Variants in MROH1 observed in about 807,000 individuals in gnomAD.
MROH1 encodes maestro heat like repeat family member 1, also known as maestro heat-like repeat-containing protein family member 1.
MROH1 carries 117 observed loss-of-function variants against 116.5 expected under a neutral mutation model. The ratio of observed to expected loss-of-function variants is 1.00; its 90% CI spans 0.86 to 1.17. The LOEUF is 1.17. MROH1 is among the 50% of genes most tolerant of loss of function. The pLI is 0.00. For missense variants in MROH1, 1,873 were observed against 1,338.5 expected, an observed-to-expected ratio of 1.40 and a Z score of -6.23; for synonymous variants, 921 against 583.9, an observed-to-expected ratio of 1.58 and a Z score of -8.32.
At chr8:144,242,570 C>T (rs1391330320) in intron 23 of MROH1, 32 bp from the exon 24 acceptor site, 18 of 780,140 alleles carry the variant, frequency 2.3e-5, no homozygotes, top group Non-Finnish European at 4.1e-5. Flanking sequence ...CGGGGAGTCA[C>T]GTCTTAACTC....
intron 7 of MROH1, among the ~76,000 whole-genome samples, chr8:144,189,830 G>A (rs1235193315): frequency 6.6e-6 from 1 of 152,238 alleles, no homozygotes; most frequent in African/African-American, 2.4e-5. Flanking sequence ...TGCTCCTCTT[G>A]TCTCTGTGGC....
chr8:144,239,670 C>T lies in MROH1; in HGVS notation c.1689C>T (p.Leu563=). The change falls in exon 18 of 44, where the codon CTC becomes CTT. Residue 563 remains leucine, a synonymous_variant. Coordinates refer to ENST00000326134, the MANE Select transcript of MROH1 (RefSeq NM_032450.3). ...GACGTGGGGCAGCGGCGCTGCGCCT[C>T]CTCAGTGTTCTGCACCCAAACATTC... is the stretch of plus-strand genomic sequence containing the variant. ...GDGRGAAALR[L]LSVLHPNIHP... 1.3e-6 allele frequency: 1 copy of T among 758,630 alleles called. No homozygotes were observed. The highest frequency in any genetic ancestry group is 2.5e-6 in the Non-Finnish European group (1 of 407,714). 47.0% of individuals were successfully genotyped at this position (758,630 alleles called of 1,614,324 possible). A position where few individuals can be genotyped will look rare whatever the true frequency, so the allele number is the denominator to read the frequency against.
intron 10 of MROH1, chr8:144,192,806 G>A (rs1246010781): frequency 5.6e-6 from 2 of 359,500 alleles, no homozygotes; most frequent in Admixed American, 4.0e-5. Flanking sequence ...CCCTGCTGGA[G>A]AGGAAGTGAT....
rs200574726 is a variant in MROH1 at position 144,179,582 on chromosome 8, C to T, written c.296C>T (p.Thr99Met). 6.2e-5 allele frequency: 100 copies of T among 1,608,066 alleles called. No homozygotes were observed. The Middle Eastern group carries it at 1.2e-3, about 19-fold the overall frequency. Residue 99 changes from threonine to methionine, a missense_variant, in exon 5 of 44, where the codon ACG becomes ATG. By Grantham distance (81) the Thr-to-Met change is moderately conservative (BLOSUM62 -1). Coordinates refer to ENST00000326134, the MANE Select transcript of MROH1 (RefSeq NM_032450.3). ...ILLASSEMTKTKDLVWDWQQA... is the reference protein window; with the variant it reads ...ILLASSEMTKMKDLVWDWQQA... ...CTGGCCTCCAGCGAGATGACCAAGA[C>T]GAAGGTATTCAGCAGGCCCTCTGGC...
At chr8:144,205,984 TA>T (rs922520673) in intron 12 of MROH1, among the ~76,000 whole-genome samples, 4 of 152,214 alleles carry the variant, frequency 2.6e-5, no homozygotes, top group African/African-American at 9.6e-5. Flanking sequence ...AACATTTTTC[TA>T]AAACCCAAAA....
chr8:144,220,478 C>T (rs1412821723), intron 12 of MROH1, 122 bp from the exon 13 acceptor site: 2 of 737,776 alleles, frequency 2.7e-6, no homozygotes, highest in Admixed American at 5.6e-5. Context: ...GGTATGCTTT[C>T]CTTATGCTCC....
chr8:144,180,501 G>T lies in MROH1; in HGVS notation c.540G>T (p.Thr180=), dbSNP rs563760524. Residue 180 remains threonine (T), a synonymous_variant, in exon 7 of 44, where the codon ACG becomes ACT. Transcript: ENST00000326134. The surrounding 1 kb of genome is among the most constrained non-coding windows in gnomAD (Gnocchi z 7.4). ...LPVLGVAKQD[T]VRVAFCSALQ... ...TGCTGGGCGTGGCCAAGCAGGACAC[G>T]GTGCGCGTGGCCTTCTGCTCCGGTA... 1.2e-6 allele frequency: 2 copies of T among 1,611,114 alleles called. No homozygotes were observed. Among genetic ancestry groups the T allele is most frequent in the Admixed American group, 1.7e-5 (1 of 60,006 alleles).
chr8:144,256,626 G>A (rs1026157848), intron 35 of MROH1, among the ~76,000 whole-genome samples: 79 of 152,306 alleles, frequency 5.2e-4, no homozygotes, highest in South Asian at 1.2e-3. Flanking sequence ...CCTCCGCCCC[G>A]AGCTGTAGGG....
At chr8:144,220,522 A>T in intron 12 of MROH1, 78 bp from the exon 13 acceptor site, 4 of 1,330,716 alleles carry the variant, frequency 3.0e-6, no homozygotes, top group Non-Finnish European at 4.2e-6. Flanking sequence ...CGGGGAAGCC[A>T]GGCCCCTGGT....
At position 144,259,978 on chromosome 8, in the gene MROH1, G is replaced by A. The variant is rs898597007; in HGVS notation, c.4112G>A (p.Arg1371His). The A allele has an allele frequency of 6.8e-5, 50 of 739,516 alleles. No homozygotes were observed. The highest frequency in any genetic ancestry group is 4.8e-4 in the African/African-American group (28 of 58,230). The allele number at this position is 739,516 out of a possible 1,614,324, so 45.8% of individuals were successfully genotyped here. A position where few individuals can be genotyped will look rare whatever the true frequency, so the allele number is the denominator to read the frequency against. ...LDSLLESLAA[R>H]QKDTCASVRR... ...TCGCTGCTGGAGAGCCTGGCGGCTC[G>A]CCAGAAGGACACATGCGCCAGCGTG... Residue 1371 changes from arginine (R) to histidine (H), a missense_variant, in exon 38 of 44, where the codon CGC (arginine) becomes CAC (histidine). By Grantham distance (29) the Arg-to-His change is conservative. Transcript: ENST00000326134.
chr8:144,246,300 G>A (rs1841918264), intron 29 of MROH1, among the ~76,000 whole-genome samples: 1 of 151,520 alleles, frequency 6.6e-6, no homozygotes, highest in Admixed American at 6.6e-5. Flanking sequence ...GTAGAGATGG[G>A]GTTTCATCCT....
intron 7 of MROH1, among the ~76,000 whole-genome samples, chr8:144,181,904 T>A (rs1038621382): frequency 6.6e-6 from 1 of 152,184 alleles, no homozygotes; most frequent in Non-Finnish European, 1.5e-5. Context: ...GAAACGGACT[T>A]GCAGTTCTGA....
chr8:144,240,166 G>C lies in MROH1; in HGVS notation c.1827+13G>C, dbSNP rs1467370784. On this transcript the variant is annotated intron_variant, in intron 19 of 43. Transcript: ENST00000326134. ...GAAGCTGTTGATGGTGAGGGCCGGGGTACGGCCCATCCTGGGCCTTAAGGT... is the reference window on the plus strand; with the variant it reads ...GAAGCTGTTGATGGTGAGGGCCGGGCTACGGCCCATCCTGGGCCTTAAGGT... 1.3e-5 allele frequency: 10 copies of C among 772,654 alleles called. No homozygotes were observed. The East Asian group carries it at 2.4e-4, about 19-fold the overall frequency. 47.9% of individuals were successfully genotyped at this position (772,654 alleles called of 1,614,324 possible).
Position 144,238,749 on chromosome 8 carries a change from C to T in MROH1, c.1339-7C>T, listed in dbSNP as rs1251883401. On this transcript the variant is annotated splice_polypyrimidine_tract_variant and splice_region_variant and intron_variant, in intron 14 of 43. Transcript: ENST00000326134. ...CACGCACGCCTTTGCCTTTTGCCTT[C>T]CTCCAGCCTGAGAAGCCAGGCCCCG... The T allele has an allele frequency of 9.1e-6, 7 of 771,036 alleles. No individual in the cohort carries two copies. Among genetic ancestry groups the T allele is most frequent in the Admixed American group, 1.7e-5 (1 of 59,006 alleles). 47.8% of individuals were successfully genotyped at this position (771,036 alleles called of 1,614,324 possible).
intron 37 of MROH1, 137 bp from the exon 38 acceptor site, chr8:144,259,774 G>A (rs997406053): frequency 8.0e-5 from 55 of 688,934 alleles, no homozygotes; most frequent in East Asian, 7.3e-4. Context: ...GCCACTGATC[G>A]GAGACCCAGG....
intron 1 of MROH1, among the ~76,000 whole-genome samples, chr8:144,152,821 A>G (rs1388729902): frequency 2.0e-5 from 3 of 152,178 alleles, no homozygotes; most frequent in Non-Finnish European, 4.4e-5. Flanking sequence ...TTCTGGGATT[A>G]CAGGCATGAG....
Position 144,180,301 on chromosome 8 carries a change from G to A in MROH1, c.424G>A (p.Ala142Thr), listed in dbSNP as rs765456584. The change falls in exon 6 of 44, where the codon GCC (alanine) becomes ACC (threonine). Residue 142 changes from alanine (A) to threonine (T), a missense_variant. Physicochemically the swap from Ala to Thr is moderately conservative, Grantham distance 58 (BLOSUM62 0). Coordinates refer to ENST00000326134, the MANE Select transcript of MROH1 (RefSeq NM_032450.3). The surrounding 1 kb of genome is among the most constrained non-coding windows in gnomAD (Gnocchi z 7.4). ...RLHPGTLPHC[A>T]VLHTLASLSV... is the part of the protein sequence containing the mutation. ...GCACCCTGGGACCCTGCCACACTGC[G>A]CCGTGCTGCACACCCTCGCCAGCCT... is the stretch of plus-strand genomic sequence containing the variant. The A allele has an allele frequency of 5.0e-6, 8 of 1,607,752 alleles. No individual in the cohort carries two copies. Among genetic ancestry groups the A allele is most frequent in the South Asian group, 4.4e-5 (4 of 91,078 alleles).
Position 144,241,008 on chromosome 8 carries a change from G to A in MROH1, c.1952G>A (p.Cys651Tyr). ...TTGTTTCAGAACTTCCTGTACAAAT[G>A]CATAGGCACCACCCTGGGTGCTGCT... ...APQEKNFLYKCIGTTLGAASS... is the reference protein window; with the variant it reads ...APQEKNFLYKYIGTTLGAASS... Residue 651 changes from cysteine (C) to tyrosine (Y), a missense_variant, in exon 21 of 44, where the codon TGC (cysteine) becomes TAC (tyrosine). Transcript: ENST00000326134. 1 of 766,564 alleles carries A rather than the reference G, an allele frequency of 1.3e-6. No individual in the cohort carries two copies. The highest frequency in any genetic ancestry group is 2.4e-6 in the Non-Finnish European group (1 of 411,652). 47.5% of individuals were successfully genotyped at this position (766,564 alleles called of 1,614,324 possible). A position where few individuals can be genotyped will look rare whatever the true frequency, so the allele number is the denominator to read the frequency against.
At chr8:144,200,260 C>T (rs1460624000) in intron 11 of MROH1, among the ~76,000 whole-genome samples, 168 bp from the exon 12 acceptor site, 2 of 152,188 alleles carry the variant, frequency 1.3e-5, no homozygotes, top group African/African-American at 4.8e-5. Flanking sequence ...CCAACCCTGC[C>T]TTAGACAGGG....
Sources: gnomAD v4.1 joint callset for allele counts (sites outside exome capture counted in the v4.1 genomes callset) on GRCh38, gnomAD v4.1.1 for gene constraint, Gnocchi (gnomAD v3.1) non-coding constraint, MANE v1.5 for transcripts, NCBI Gene and HGNC (gene_info 2026-07-23, HGNC 2026-07-21) for gene names.